Variants in CCDC187 observed in about 807,000 individuals in gnomAD.
CCDC187 encodes the protein coiled-coil domain containing 187, also known as coiled-coil domain-containing protein 187.
Under a neutral mutation model 38.0 loss-of-function variants are expected in CCDC187, and 32 were observed. The ratio of observed to expected loss-of-function variants is 0.84; its 90% CI spans 0.64 to 1.13. CCDC187 has a LOEUF of 1.13. Ranked by LOEUF, CCDC187 falls within the 50% of genes most tolerant of loss-of-function variation. The probability of loss-of-function intolerance (pLI) is 0.00; values close to 1 mark genes in which losing one functional copy is unlikely to be tolerated. For synonymous variants in CCDC187, 333 were observed against 347.9 expected (o/e 0.96, Z 0.48); for missense variants, 707 against 786.8 (o/e 0.90, Z 1.21).
chr9:136,297,637 T>G (rs932441557), intron 4 of CCDC187, 77 bp downstream of exon 4: 32 of 397,148 alleles, frequency 8.1e-5, no homozygotes, highest in Middle Eastern at 4.4e-4. Flanking sequence ...GCCCCAGAAA[T>G]GAAAGCCATC....
At chr9:136,285,149 G>T (rs904344158) in intron 9 of CCDC187, among the ~76,000 whole-genome samples, 11 of 152,184 alleles carry the variant, frequency 7.2e-5, no homozygotes, top group Admixed American at 2.6e-4. Context: ...TGAGAGCTCA[G>T]GTGGGGTCGC....
Position 136,258,352 on chromosome 9 carries a change from G to A in CCDC187, c.4366+580C>T, listed in dbSNP as rs539570597. 1.3e-5 allele frequency among the ~76,000 whole-genome samples: 2 copies of A among 152,284 alleles called. No homozygotes were observed. The highest frequency in any genetic ancestry group is 2.1e-4 in the South Asian group (1 of 4,820). On this transcript the variant is annotated intron_variant, in intron 22 of 25. Coordinates refer to ENST00000638797, the MANE Select transcript of CCDC187 (RefSeq NM_001378188.1). This position sits in a 1 kb window ranked among gnomAD's most constrained non-coding sequence, Gnocchi z 4.3. ...TGGGTGGCATAGTCTCCCTGCTTCC[G>A]AGGATGGACACTGGGTGGGGGCCTT...
chr9:136,265,213 G>C (rs2131156871), intron 17 of CCDC187, among the ~76,000 whole-genome samples: 1 of 152,298 alleles, frequency 6.6e-6, no homozygotes, highest in African/African-American at 2.4e-5. Context: ...TCTCAGGCTT[G>C]CCCCTCAGCC....
At chr9:136,285,279 G>A (rs1245411256) in intron 9 of CCDC187, among the ~76,000 whole-genome samples, 3 of 152,142 alleles carry the variant, frequency 2.0e-5, no homozygotes, top group Non-Finnish European at 4.4e-5. Flanking sequence ...GGGGGCATTC[G>A]TGGGGGGAGT....
Position 136,254,778 on chromosome 9 carries a change from G to T in CCDC187, c.5050C>A (p.Arg1684=). Residue 1684 remains arginine (R), a synonymous_variant, in exon 26 of 26, where the codon CGG becomes AGG. Transcript: ENST00000638797. ...SGEAGLPLSW[R]SNQGEPRPGS... ...GGCCGAGGCTCACCCTGGTTTGACCGCCAGGACAAAGGCAGGCCAGCTTCC... is the reference window on the plus strand; with the variant it reads ...GGCCGAGGCTCACCCTGGTTTGACCTCCAGGACAAAGGCAGGCCAGCTTCC... The T allele has an allele frequency of 2.0e-6, 2 of 985,518 alleles. No individual in the cohort carries two copies. Among genetic ancestry groups the T allele is most frequent in the South Asian group, 4.7e-5 (1 of 21,290 alleles). 61.0% of individuals were successfully genotyped at this position (985,518 alleles called of 1,614,324 possible).
chr9:136,250,882 G>A lies in CCDC187; in HGVS notation c.*2712C>T, dbSNP rs1158511915. 1.1e-5 allele frequency: 5 copies of A among 452,868 alleles called. No individual in the cohort carries two copies. In the East Asian group the frequency reaches 2.8e-4, roughly 25 times the overall value. 28.1% of individuals were successfully genotyped at this position (452,868 alleles called of 1,614,324 possible). On this transcript the variant is annotated 3_prime_UTR_variant, in exon 26 of 26. Coordinates refer to ENST00000638797, the MANE Select transcript of CCDC187 (RefSeq NM_001378188.1). ...CCCGGGCGAGGGGTGTCTGGAGAGG[G>A]GCTCTTGCCTCACGGCAGGGGGCCC...
chr9:136,263,770 T>C lies in CCDC187; in HGVS notation c.3764A>G (p.Gln1255Arg). The change falls in exon 18 of 26, where the codon CAG becomes CGG. Residue 1255 changes from glutamine (Q) to arginine (R), a missense_variant. Transcript: ENST00000638797. The stretch of plus-strand genomic sequence containing the variant: ...CTTCCTGTCCCGGTGCCTGAACAGC[T>C]GCGTGTGTCTCAGGTATTGGATTTC... ...QREIQYLRHT[Q>R]LFRHRDRKLL... The C allele has an allele frequency of 1.0e-6, 1 of 985,470 alleles. No individual in the cohort carries two copies. Among genetic ancestry groups the C allele is most frequent in the Non-Finnish European group, 1.2e-6 (1 of 829,946 alleles). The allele number at this position is 985,470 out of a possible 1,614,324, so 61.0% of individuals were successfully genotyped here.
At chr9:136,305,145 A>C (rs1429942195), upstream of CCDC187, among the ~76,000 whole-genome samples, 6 of 152,194 alleles carry the variant, frequency 3.9e-5, no homozygotes, top group African/African-American at 1.4e-4. Context: ...ATCCAAAGAC[A>C]GGCAGGCCCT....
Position 136,302,994 on chromosome 9 carries a change from C to T in CCDC187, c.443G>A (p.Ser148Asn). The T allele has an allele frequency of 2.5e-6, 1 of 398,760 alleles. No homozygotes were observed. Among genetic ancestry groups the T allele is most frequent in the Non-Finnish European group, 4.4e-6 (1 of 226,168 alleles). The allele number at this position is 398,760 out of a possible 1,614,324, so 24.7% of individuals were successfully genotyped here. A position where few individuals can be genotyped will look rare whatever the true frequency, so the allele number is the denominator to read the frequency against. Reference sequence around the variant, plus strand: ...TCTCAGCTGCTCCAGCCGCGCGTCACTCTTTCTGGGCCTCTGCTGGGGCCC... The same window carrying T: ...TCTCAGCTGCTCCAGCCGCGCGTCATTCTTTCTGGGCCTCTGCTGGGGCCC... ...VLGPQQRPRK[S>N]DARLEQLRDK... Residue 148 changes from serine to asparagine, a missense_variant, in exon 2 of 26, where the codon AGT becomes AAT. Transcript: ENST00000638797.
intron 3 of CCDC187, among the ~76,000 whole-genome samples, chr9:136,298,116 C>T (rs998090162): frequency 6.6e-6 from 1 of 152,222 alleles, no homozygotes; most frequent in Non-Finnish European, 1.5e-5. Context: ...CTGGTGGCCT[C>T]CCCTCCAGGC....
chr9:136,289,897 C>T, intron 7 of CCDC187, 62 bp downstream of exon 7: 1 of 359,694 alleles, frequency 2.8e-6, no homozygotes, highest in Non-Finnish European at 4.7e-6. Context: ...GCACCCAGAA[C>T]TGTTCTTGGC....
chr9:136,272,907 A>T (rs1830864950), intron 14 of CCDC187, among the ~76,000 whole-genome samples: 1 of 152,176 alleles, frequency 6.6e-6, no homozygotes, highest in Non-Finnish European at 1.5e-5. Context: ...AATAAAATTC[A>T]TGACAACAAT....
rs539308211 is a variant in CCDC187, at chr9:136,254,443, G to A, written c.5385C>T (p.Ser1795=). 3.7e-4 allele frequency: 360 copies of A among 985,216 alleles called. 1 individual carries two copies. Among genetic ancestry groups the A allele is most frequent in the Middle Eastern group, 2.1e-3 (4 of 1,934 alleles). The allele number at this position is 985,216 out of a possible 1,614,324, so 61.0% of individuals were successfully genotyped here. The change falls in exon 26 of 26, where the codon AGC becomes AGT. Residue 1795 remains serine (S), a synonymous_variant. Transcript: ENST00000638797. ...LPAGGSLGLG[S]GVEPQVAPPS... is the part of the protein sequence containing the mutation. ...GAGGAGCCACCTGGGGCTCCACGCC[G>A]CTTCCAAGGCCCAGTGAGCCACCTG... is the stretch of plus-strand genomic sequence containing the variant.
Position 136,258,942 on chromosome 9 carries a change from C to T in CCDC187, c.4356G>A (p.Glu1452=). ...TTCCAGGGTGCTTACCTGGGGGTGGCTCCTTCACCTCCCGAGACCTGCACT... is the reference window on the plus strand; with the variant it reads ...TTCCAGGGTGCTTACCTGGGGGTGGTTCCTTCACCTCCCGAGACCTGCACT... The part of the protein sequence containing the change: ...TAQCRSREVK[E]PPPGDPQTKP... Residue 1452 remains glutamate, a synonymous_variant, in exon 22 of 26, where the codon GAG becomes GAA. Coordinates refer to ENST00000638797, the MANE Select transcript of CCDC187 (RefSeq NM_001378188.1). The surrounding 1 kb of genome is among the most constrained non-coding windows in gnomAD (Gnocchi z 4.3). 3.0e-6 allele frequency: 3 copies of T among 985,336 alleles called. No individual in the cohort carries two copies. The highest frequency in any genetic ancestry group is 3.6e-6 in the Non-Finnish European group (3 of 829,976). 61.0% of individuals were successfully genotyped at this position (985,336 alleles called of 1,614,324 possible).
chr9:136,265,027 C>T (rs1317635593), intron 17 of CCDC187, among the ~76,000 whole-genome samples: 4 of 152,210 alleles, frequency 2.6e-5, no homozygotes, highest in African/African-American at 9.6e-5. Flanking sequence ...GCTGGAATTA[C>T]GGATGAACTG....
At chr9:136,290,262 G>C (rs2131302885) in intron 6 of CCDC187, among the ~76,000 whole-genome samples, 1 of 150,048 alleles carries the variant, frequency 6.7e-6, no homozygotes, top group East Asian at 1.9e-4. Context: ...AAGGCGCCCA[G>C]GTCTGACCCT....
intron 4 of CCDC187, among the ~76,000 whole-genome samples, chr9:136,293,285 T>C (rs1450639689): frequency 7.3e-6 from 1 of 137,166 alleles, no homozygotes; most frequent in African/African-American, 2.8e-5. Flanking sequence ...ACTAACATGC[T>C]CACACACTCA....
At chr9:136,267,288 G>T (rs1050676566) in intron 16 of CCDC187, 96 bp downstream of exon 16, 4 of 886,902 alleles carry the variant, frequency 4.5e-6, no homozygotes, top group Non-Finnish European at 5.4e-6. Flanking sequence ...GGCGGGACCC[G>T]GACGGGGCAG....
intron 7 of CCDC187, among the ~76,000 whole-genome samples, chr9:136,289,214 AT>A (rs1415719102): frequency 1.3e-5 from 2 of 152,178 alleles, no homozygotes; most frequent in Non-Finnish European, 2.9e-5. Flanking sequence ...TTTAGATAAA[AT>A]GTCAAGAATA....
Sources: allele counts gnomAD v4.1 joint callset (sites outside exome capture counted in the v4.1 genomes callset), GRCh38; gene constraint gnomAD v4.1.1; non-coding constraint Gnocchi (gnomAD v3.1); transcripts MANE v1.5; gene names NCBI Gene and HGNC (gene_info 2026-07-23, HGNC 2026-07-21).